GRIA3: variants seen among roughly 807,000 people sequenced by gnomAD.
GRIA3 encodes the protein glutamate ionotropic receptor AMPA type subunit 3.
A neutral mutation model predicts 63.0 loss-of-function variants in GRIA3; 3 were observed. The ratio of observed to expected loss-of-function variants is 0.05; its 90% CI spans 0.02 to 0.12. The LOEUF (loss-of-function observed/expected upper bound fraction) is 0.12. Among genes scored for constraint, GRIA3 ranks in the 10% least tolerant of loss-of-function variants. The pLI, the probability that GRIA3 is intolerant of heterozygous loss-of-function variation, is 1.00. For missense variants in GRIA3, 347 were observed against 700.9 expected, an observed-to-expected ratio of 0.50 and a Z score of 5.70; for synonymous variants, 274 against 257.9, an observed-to-expected ratio of 1.06 and a Z score of -0.60.
chrX:123,225,081 A>G (rs979667736), intron 2 of GRIA3, among the ~76,000 whole-genome samples: 1 of 111,915 alleles, frequency 8.9e-6, no homozygotes, highest in Admixed American at 9.5e-5. Flanking sequence ...CACAGACTTC[A>G]TGTTTAATAT....
rs769538062 is a variant in GRIA3 at position 123,466,342 on chromosome X, G to A, written c.2324+1230G>A. 9.4e-4 allele frequency among the ~76,000 whole-genome samples: 105 copies of A among 111,744 alleles called. 1 individual carries two copies. Among genetic ancestry groups the A allele is most frequent in the African/African-American group, 3.2e-3 (99 of 30,748 alleles). On this transcript the variant is annotated intron_variant, in intron 13 of 15. Coordinates refer to ENST00000620443, the MANE Select transcript of GRIA3 (RefSeq NM_007325.5). ...AACTTGAAAGCCAAATAACAAGCTC[G>A]GTTTCAAGTTAAATGGGGTCTTTCT... is the stretch of plus-strand genomic sequence containing the variant.
intron 4 of GRIA3, among the ~76,000 whole-genome samples, chrX:123,344,309 C>G (rs900192849): frequency 2.7e-5 from 3 of 112,265 alleles, no homozygotes; most frequent in African/African-American, 9.7e-5. Context: ...CCTATACCTG[C>G]CAAAAGCATC....
intron 3 of GRIA3, among the ~76,000 whole-genome samples, chrX:123,276,063 G>T (rs2044553088): frequency 8.9e-6 from 1 of 112,093 alleles, no homozygotes; most frequent in Admixed American, 9.4e-5. Context: ...GAGGGAAAAT[G>T]ACTTACCTAG....
intron 5 of GRIA3, among the ~76,000 whole-genome samples, chrX:123,358,125 G>A (rs1401663675): frequency 9.0e-6 from 1 of 111,312 alleles, no homozygotes; most frequent in Non-Finnish European, 1.9e-5. Flanking sequence ...TTAGAAGTAA[G>A]TTGGATGGTC....
At position 123,184,650 on chromosome X, in the gene GRIA3, C is replaced by G; in HGVS notation, c.109+6C>G. 1 of 1,139,712 alleles carries G rather than the reference C, an allele frequency of 8.8e-7. No individual in the cohort carries two copies. The highest frequency in any genetic ancestry group is 3.0e-5 in the East Asian group (1 of 33,430). 93.9% of individuals were successfully genotyped at this position (1,139,712 alleles called of 1,213,427 possible). On this transcript the variant is annotated splice_donor_region_variant and intron_variant, in intron 1 of 15. Transcript: ENST00000620443. ...CCCCAACACCATCAGCATAGGTAAG[C>G]GCAAGCGAGCCAGCCGTCGGTCCAG...
Position 123,191,416 on chromosome X carries a change from C to A in GRIA3, c.268+5426C>A, listed in dbSNP as rs182014214. ...GGGAGCTGCTCAGAAACTGTCTGGG[C>A]TCCAGATACAGAGCTATAGATAGCC... On this transcript the variant is annotated intron_variant, in intron 2 of 15. Transcript: ENST00000620443. Among the ~76,000 whole-genome samples the A allele has an allele frequency of 9.7e-4, 108 of 111,721 alleles. 1 individual carries two copies. The highest frequency in any genetic ancestry group is 3.9e-3 in the Admixed American group (41 of 10,584).
chrX:123,455,999 C>T (rs1462344257), intron 12 of GRIA3, among the ~76,000 whole-genome samples: 2 of 111,521 alleles, frequency 1.8e-5, no homozygotes, highest in African/African-American at 6.5e-5. Context: ...TTAGCAAGCA[C>T]ACAGCTTTTT....
chrX:123,259,521 A>G (rs2044439149), intron 3 of GRIA3, among the ~76,000 whole-genome samples: 1 of 110,005 alleles, frequency 9.1e-6, no homozygotes, highest in East Asian at 2.9e-4. Flanking sequence ...GCGCACACAC[A>G]CACACACACC....
chrX:123,447,302 C>A (rs1358674436), intron 12 of GRIA3, among the ~76,000 whole-genome samples: 24 of 111,059 alleles, frequency 2.2e-4, no homozygotes, highest in African/African-American at 7.6e-4. Flanking sequence ...CAAAAAAAAA[C>A]ACAACAAACA....
At chrX:123,465,869 G>A in intron 13 of GRIA3, 1 of 697,868 alleles carries the variant, frequency 1.4e-6, no homozygotes, top group African/African-American at 2.1e-5. Context: ...TGAGGAGAGA[G>A]CACAAGACTC....
intron 10 of GRIA3, among the ~76,000 whole-genome samples, chrX:123,411,997 C>A (rs1000174727): frequency 9.0e-6 from 1 of 111,645 alleles, no homozygotes; most frequent in African/African-American, 3.3e-5. Context: ...CTCCCTAACC[C>A]CATCCATAAT....
intron 6 of GRIA3, among the ~76,000 whole-genome samples, chrX:123,396,199 A>AAATAATAATAATAATAATAAT (rs10528905): frequency 5.8e-5 from 5 of 85,982 alleles, no homozygotes; most frequent in Non-Finnish European, 1.1e-4. Context: ...CTCCATCTCA[A>AAATAATAATAATAATAATAAT]AATAATAATA....
At chrX:123,246,879 C>A (rs377242615) in intron 2 of GRIA3, among the ~76,000 whole-genome samples, 31 of 91,988 alleles carry the variant, frequency 3.4e-4, no homozygotes, top group South Asian at 5.6e-4. Flanking sequence ...TACTGTCTTT[C>A]AAAAAAAAAA....
chrX:123,410,946 G>A (rs2045502196), intron 10 of GRIA3, among the ~76,000 whole-genome samples: 1 of 112,002 alleles, frequency 8.9e-6, no homozygotes, highest in South Asian at 3.7e-4. Flanking sequence ...GGGGATACCT[G>A]TTCTGGATAA....
In GRIA3 at chrX:123,442,622, G is replaced by A. The variant is rs746199701; in HGVS notation, c.2076+14483G>A. Among the ~76,000 whole-genome samples the A allele has an allele frequency of 8.1e-5, 9 of 111,495 alleles. No individual in the cohort carries two copies. In the East Asian group the frequency reaches 2.6e-3, roughly 32 times the overall value. On this transcript the variant is annotated intron_variant, in intron 12 of 15. Coordinates refer to ENST00000620443, the MANE Select transcript of GRIA3 (RefSeq NM_007325.5). ...AGTAATCTGATGAATGACTGTACTC[G>A]ACCAGTGTTTTCCAACACTGTGTAT... is the stretch of plus-strand genomic sequence containing the variant.
intron 3 of GRIA3, among the ~76,000 whole-genome samples, chrX:123,260,451 AGAAAGAAAGGAAGGAAGAAGAAAG>A (rs1569409615): frequency 0.01 from 124 of 12,218 alleles, 29 homozygotes; most frequent in East Asian, 0.016. Flanking sequence ...AAAGAAAGAA[AGAAAGAAAGGAAGGAAGAAGAAAG>A]GAAAGAAAGA....
chrX:123,259,823 A>G, intron 3 of GRIA3, among the ~76,000 whole-genome samples: 1 of 111,567 alleles, frequency 9.0e-6, no homozygotes, highest in South Asian at 3.8e-4. Flanking sequence ...TGACTGACAT[A>G]CTGCCTCCTA....
At chrX:123,322,539 T>C (rs751238740) in intron 3 of GRIA3, among the ~76,000 whole-genome samples, 11 of 111,951 alleles carry the variant, frequency 9.8e-5, no homozygotes, top group Admixed American at 3.8e-4. Context: ...CCTGTTTTTT[T>C]CTCTGCCTCC....
intron 2 of GRIA3, chrX:123,204,378 T>A: frequency 8.7e-7 from 1 of 1,143,832 alleles, no homozygotes; most frequent in Non-Finnish European, 1.2e-6. Context: ...TGCTGAACAA[T>A]ATTTTACCTT....
Sources: gnomAD v4.1 joint callset for allele counts (sites outside exome capture counted in the v4.1 genomes callset) on GRCh38, gnomAD v4.1.1 for gene constraint, MANE v1.5 for transcripts, NCBI Gene and HGNC (gene_info 2026-07-23, HGNC 2026-07-21) for gene names.